Variants in HLTF observed in about 807,000 individuals in gnomAD.
HLTF encodes DNA-dependent ATPase/E3 ubiquitin-protein ligase HLTF.
A neutral mutation model predicts 129.4 loss-of-function variants in HLTF; 127 were observed. That is an observed-to-expected ratio of 0.98 (90% CI 0.85 to 1.14). HLTF has a LOEUF of 1.14. Ranked by LOEUF, HLTF falls within the 50% of genes most tolerant of loss-of-function variation. HLTF has a pLI of 0.00. For missense variants in HLTF, 1,139 were observed against 1,187.1 expected (o/e 0.96, Z 0.60); for synonymous variants, 332 against 388.8 (o/e 0.85, Z 1.72).
intron 18 of HLTF, among the ~76,000 whole-genome samples, chr3:149,045,614 TTA>T (rs1160861915): frequency 6.6e-6 from 1 of 152,146 alleles, no homozygotes; most frequent in Non-Finnish European, 1.5e-5. Flanking sequence ...ACTGAAGTTT[TTA>T]TGTTTTGAAG....
intron 15 of HLTF, among the ~76,000 whole-genome samples, chr3:149,049,823 T>C (rs1190080438): frequency 6.6e-6 from 1 of 152,092 alleles, no homozygotes; most frequent in Non-Finnish European, 1.5e-5. Flanking sequence ...TGAAACCTCA[T>C]CTCTGCTGAA....
At position 149,031,934 on chromosome 3, in the gene HLTF, C is replaced by T. The variant is rs762991033; in HGVS notation, c.*286G>A. ...GAAAAAGCTGAGTACTTGGAAGATA[C>T]GTGAAAATACTCAGCATAGATATTA... On this transcript the variant is annotated 3_prime_UTR_variant, in exon 25 of 25. Coordinates refer to ENST00000310053, the MANE Select transcript of HLTF (RefSeq NM_003071.4). 1 of 193,180 alleles carries T rather than the reference C, an allele frequency of 5.2e-6. No homozygotes were observed. The highest frequency in any genetic ancestry group is 1.0e-5 in the Non-Finnish European group (1 of 95,940). The allele number at this position is 193,180 out of a possible 1,614,324, so 12.0% of individuals were successfully genotyped here. A position where few individuals can be genotyped will look rare whatever the true frequency, so the allele number is the denominator to read the frequency against.
chr3:149,030,246 A>ATAAT lies in HLTF; in HGVS notation c.*1970_*1973dup, dbSNP rs1714887093. ...TTTTCTAAAGTTATTTTTCTATATA[A>ATAAT]TAATAAGACAACAGCATAGCATATA... On this transcript the variant is annotated 3_prime_UTR_variant, in exon 25 of 25. Transcript: ENST00000310053. The ATAAT allele has an allele frequency of 6.6e-6, 1 of 152,106 alleles. No individual in the cohort carries two copies. The highest frequency in any genetic ancestry group is 2.4e-5 in the African/African-American group (1 of 41,456). 9.4% of individuals were successfully genotyped at this position (152,106 alleles called of 1,614,324 possible).
rs1270566721 is a variant in HLTF, at chr3:149,039,226, G to A, written c.2619C>T (p.Ala873=). ...FLSLIEIPLK[A]SGFVFTRLDG... ...CCAAACGAGTAAACACAAATCCAGA[G>A]GCTCTAAAGGGGGGAAGAAAAGAGA... The change falls in exon 23 of 25, where the codon GCC becomes GCT. Residue 873 remains alanine (A), a synonymous_variant. Coordinates refer to ENST00000310053, the MANE Select transcript of HLTF (RefSeq NM_003071.4). 3 of 1,523,890 alleles carry A rather than the reference G, an allele frequency of 2.0e-6. No individual in the cohort carries two copies. The highest frequency in any genetic ancestry group is 2.4e-5 in the East Asian group (1 of 42,142). 94.4% of individuals were successfully genotyped at this position (1,523,890 alleles called of 1,614,324 possible).
chr3:149,030,107 T>C (rs539095973), downstream of HLTF: 1 of 152,328 alleles, frequency 6.6e-6, no homozygotes, highest in East Asian at 1.9e-4. Context: ...GTCAAAATTA[T>C]GGCACCGAGG....
chr3:149,041,691 A>T (rs1264169479), intron 19 of HLTF, 23 bp from the exon 20 acceptor site: 2 of 1,533,696 alleles, frequency 1.3e-6, no homozygotes, highest in Non-Finnish European at 1.8e-6. Context: ...CTGAAAAATT[A>T]ATTTCAGAGC....
At chr3:149,034,478 G>A (rs1226148971) in intron 24 of HLTF, among the ~76,000 whole-genome samples, 11 of 152,132 alleles carry the variant, frequency 7.2e-5, no homozygotes, top group Non-Finnish European at 1.2e-4. Context: ...AGTTTAAGAT[G>A]ATGAAAAAGT....
chr3:149,058,222 C>G (rs1717637907), intron 13 of HLTF, among the ~76,000 whole-genome samples: 1 of 152,194 alleles, frequency 6.6e-6, no homozygotes, highest in Non-Finnish European at 1.5e-5. Flanking sequence ...CAGGCATGTG[C>G]TACCATGCCT....
At chr3:149,069,932 T>TA (rs1718708632) in intron 7 of HLTF, among the ~76,000 whole-genome samples, 1 of 152,224 alleles carries the variant, frequency 6.6e-6, no homozygotes, top group Non-Finnish European at 1.5e-5. Flanking sequence ...TTAATGAATG[T>TA]AAGTTTTGGA....
intron 13 of HLTF, among the ~76,000 whole-genome samples, chr3:149,058,848 C>T (rs764148281): frequency 1.2e-4 from 18 of 152,194 alleles, no homozygotes; most frequent in Admixed American, 2.6e-4. Flanking sequence ...CACAGCTATG[C>T]ATCTGCAACT....
chr3:149,071,376 C>T lies in HLTF; in HGVS notation c.770G>A (p.Ser257Asn), dbSNP rs1384575711. Residue 257 changes from serine to asparagine, a missense_variant, in exon 7 of 25, where the codon AGC becomes AAC. Ser to Asn is a conservative substitution (Grantham distance 46, BLOSUM62 1). Transcript: ENST00000310053. ...ALAWMVSREN[S>N]KELPPFWEQR... ...TTCCCAGAATGGTGGAAGTTCTTTGCTATTTTCCCGTGACACCATCCAAGC... is the reference window on the plus strand; with the variant it reads ...TTCCCAGAATGGTGGAAGTTCTTTGTTATTTTCCCGTGACACCATCCAAGC... 3 of 1,613,584 alleles carry T rather than the reference C, an allele frequency of 1.9e-6. No homozygotes were observed. The highest frequency in any genetic ancestry group is 1.7e-6 in the Non-Finnish European group (2 of 1,179,664).
chr3:149,079,064 A>T (rs924464277), intron 2 of HLTF, among the ~76,000 whole-genome samples: 3 of 152,214 alleles, frequency 2.0e-5, no homozygotes, highest in Admixed American at 1.3e-4. Flanking sequence ...AGATAGGTCA[A>T]TTGAGATTAT....
At chr3:149,066,232 G>C (rs1718371856) in intron 8 of HLTF, among the ~76,000 whole-genome samples, 1 of 152,058 alleles carries the variant, frequency 6.6e-6, no homozygotes, top group South Asian at 2.1e-4. Flanking sequence ...TTTCAGTAGA[G>C]ACAGGGCTTC....
At chr3:149,075,224 C>T (rs1192602489) in intron 3 of HLTF, among the ~76,000 whole-genome samples, 2 of 152,184 alleles carry the variant, frequency 1.3e-5, no homozygotes, top group Non-Finnish European at 2.9e-5. Context: ...CATCATATCA[C>T]AGAATACCAG....
chr3:149,060,208 T>G (rs1444287468), intron 12 of HLTF, among the ~76,000 whole-genome samples: 1 of 152,166 alleles, frequency 6.6e-6, no homozygotes, highest in South Asian at 2.1e-4. Flanking sequence ...ATGAGAAATA[T>G]AGTATGATGT....
At chr3:149,054,634 C>T (rs960322947) in intron 14 of HLTF, among the ~76,000 whole-genome samples, 2 of 151,926 alleles carry the variant, frequency 1.3e-5, no homozygotes, top group Admixed American at 1.3e-4. Context: ...TGCAAATAAA[C>T]AATTAATCAA....
chr3:149,069,971 G>A (rs181082301), intron 7 of HLTF, among the ~76,000 whole-genome samples: 6 of 152,294 alleles, frequency 3.9e-5, no homozygotes, highest in Admixed American at 2.0e-4. Flanking sequence ...TCAACATTTA[G>A]TAGGTCTGCC....
intron 23 of HLTF, among the ~76,000 whole-genome samples, 172 bp downstream of exon 23, chr3:149,038,877 T>G (rs114497838): frequency 0.029 from 4,376 of 152,332 alleles, 84 homozygotes; most frequent in South Asian, 0.07. Flanking sequence ...AGTAAAGTGC[T>G]TAAGAGAAAG....
intron 23 of HLTF, among the ~76,000 whole-genome samples, chr3:149,036,524 T>G (rs1303295145): frequency 3.3e-5 from 5 of 152,060 alleles, no homozygotes; most frequent in African/African-American, 1.2e-4. Context: ...CTTGACCTCA[T>G]GATCCGCCCA....
Sources: gnomAD v4.1 joint callset for allele counts (sites outside exome capture counted in the v4.1 genomes callset) on GRCh38, gnomAD v4.1.1 for gene constraint, MANE v1.5 for transcripts, NCBI Gene and HGNC (gene_info 2026-07-23, HGNC 2026-07-21) for gene names.